The following TAF1B variants were observed in gnomAD, a reference collection of about 807,000 sequenced individuals.
TAF1B encodes the protein TATA box-binding protein-associated factor RNA polymerase I subunit B.
Under a neutral mutation model 83.9 loss-of-function variants are expected in TAF1B, and 61 were observed. The observed-to-expected ratio is 0.73, with a 90% CI of 0.59 to 0.90. The LOEUF is 0.90. TAF1B is among the 40% of genes least tolerant of loss of function. TAF1B has a pLI of 0.00. For missense variants in TAF1B, 625 were observed against 677.0 expected, an observed-to-expected ratio of 0.92 and a Z score of 0.85; for synonymous variants, 221 against 224.6, an observed-to-expected ratio of 0.98 and a Z score of 0.14.
intron 6 of TAF1B, among the ~76,000 whole-genome samples, chr2:9,870,865 G>A (rs1393864179): frequency 6.6e-6 from 1 of 152,136 alleles, no homozygotes; most frequent in Non-Finnish European, 1.5e-5. Flanking sequence ...TCTTGGAGTT[G>A]ATAATTGTTA....
At chr2:9,881,067 C>T (rs1664488240) in intron 7 of TAF1B, among the ~76,000 whole-genome samples, 1 of 152,076 alleles carries the variant, frequency 6.6e-6, no homozygotes, top group Admixed American at 6.6e-5. Context: ...GGCCTGGTGG[C>T]TCACTTCTGT....
chr2:9,919,196 T>G (rs1665793185), intron 13 of TAF1B, 85 bp downstream of exon 13: 1 of 1,182,986 alleles, frequency 8.5e-7, no homozygotes, highest in South Asian at 1.3e-5. Flanking sequence ...GTTGAATGCT[T>G]AAGTTTTTTA....
At chr2:9,927,749 T>G (rs1162899676) in intron 14 of TAF1B, among the ~76,000 whole-genome samples, 1 of 152,236 alleles carries the variant, frequency 6.6e-6, no homozygotes, top group African/African-American at 2.4e-5. Flanking sequence ...TTAAGTTCTT[T>G]GTAGATTCTG....
intron 2 of TAF1B, 124 bp downstream of exon 2, chr2:9,845,442 A>G: frequency 2.9e-6 from 2 of 690,260 alleles, no homozygotes; most frequent in East Asian, 2.9e-5. Context: ...CCAACATTCC[A>G]AGGATGCATG....
chr2:9,865,683 C>G (rs1237533630), intron 5 of TAF1B, among the ~76,000 whole-genome samples: 1 of 152,118 alleles, frequency 6.6e-6, no homozygotes, highest in African/African-American at 2.4e-5. Flanking sequence ...TGACTTCAAA[C>G]TATACTACAA....
intron 11 of TAF1B, 45 bp from the exon 12 acceptor site, chr2:9,913,114 A>G: frequency 6.9e-7 from 1 of 1,450,762 alleles, no homozygotes; most frequent in Non-Finnish European, 9.5e-7. Flanking sequence ...ATATTATTAT[A>G]GTGTGGTTTA....
At chr2:9,843,656 G>A in intron 1 of TAF1B, 97 bp downstream of exon 1, 11 of 1,322,064 alleles carry the variant, frequency 8.3e-6, no homozygotes, top group Non-Finnish European at 1.1e-5. Flanking sequence ...TTGGGGCGGC[G>A]ACGCCACCGG....
At chr2:9,881,901 C>T (rs537371180) in intron 7 of TAF1B, among the ~76,000 whole-genome samples, 9 of 152,258 alleles carry the variant, frequency 5.9e-5, no homozygotes, top group Admixed American at 2.6e-4. Context: ...CAGCAACAAA[C>T]ATCTAACATG....
intron 5 of TAF1B, among the ~76,000 whole-genome samples, chr2:9,859,830 G>A (rs1663693705): frequency 6.6e-6 from 1 of 152,092 alleles, no homozygotes; most frequent in Non-Finnish European, 1.5e-5. Context: ...ACATTTTCCA[G>A]TATCTTTATG....
chr2:9,882,936 T>A, intron 8 of TAF1B, 131 bp downstream of exon 8: 1 of 577,562 alleles, frequency 1.7e-6, no homozygotes, highest in Non-Finnish European at 3.0e-6. Context: ...AGTCATAATT[T>A]AACGAAGAGT....
chr2:9,927,763 A>T (rs1425812695), intron 14 of TAF1B, among the ~76,000 whole-genome samples: 2 of 152,282 alleles, frequency 1.3e-5, no homozygotes, highest in South Asian at 2.1e-4. Flanking sequence ...GATTCTGGAT[A>T]TTAGCCCTTT....
At chr2:9,907,953 C>G (rs1022352150) in intron 9 of TAF1B, among the ~76,000 whole-genome samples, 1 of 148,692 alleles carries the variant, frequency 6.7e-6, no homozygotes, top group African/African-American at 2.5e-5. Context: ...TGCTACCATT[C>G]TCATCATTTC....
Position 9,880,426 on chromosome 2 carries a change from CTTTTTTT to C in TAF1B, c.708-2261_708-2255del, listed in dbSNP as rs6146620. 4.8e-4 allele frequency among the ~76,000 whole-genome samples: 36 copies of C among 75,040 alleles called. No homozygotes were observed. The East Asian group carries it at 7.4e-3, about 15-fold the overall frequency. 49.2% of individuals were successfully genotyped at this position (75,040 alleles called of 152,430 possible). On this transcript the variant is annotated intron_variant, in intron 7 of 14. Transcript: ENST00000263663. ...ATTGTTCAGAACTTTGAGTAAGCAG[CTTTTTTT>C]TTTTTTTTTTTTTTTTTTGGAAAAA...
rs757028439 is a variant in TAF1B at position 9,868,439 on chromosome 2, A to G, written c.553+10A>G. The G allele has an allele frequency of 1.2e-5, 19 of 1,605,638 alleles. No homozygotes were observed. Among genetic ancestry groups the G allele is most frequent in the Non-Finnish European group, 1.4e-5 (17 of 1,175,592 alleles). ...AAAGCATCACAATCAGGTAAAAATG[A>G]GAACCAAACCATTTCGAATTTTAAA... On this transcript the variant is annotated intron_variant, in intron 6 of 14. Transcript: ENST00000263663.
At chr2:9,845,426 G>A (rs1327499231) in intron 2 of TAF1B, 108 bp downstream of exon 2, 15 of 799,428 alleles carry the variant, frequency 1.9e-5, no homozygotes, top group Middle Eastern at 6.5e-4. Context: ...TGTCACTCAT[G>A]CAATGCCAAC....
intron 5 of TAF1B, among the ~76,000 whole-genome samples, chr2:9,866,240 G>GA (rs1027763859): frequency 2.6e-5 from 4 of 151,952 alleles, no homozygotes; most frequent in Admixed American, 6.6e-5. Flanking sequence ...AAATTTACAG[G>GA]AAAAAAACAA....
intron 8 of TAF1B, among the ~76,000 whole-genome samples, chr2:9,888,203 T>C (rs1664738224): frequency 6.6e-6 from 1 of 152,184 alleles, no homozygotes; most frequent in Admixed American, 6.5e-5. Context: ...CCTCAACTAA[T>C]AATATACCAT....
At chr2:9,933,132 C>T (rs959054350) in intron 14 of TAF1B, among the ~76,000 whole-genome samples, 13 of 152,286 alleles carry the variant, frequency 8.5e-5, no homozygotes, top group South Asian at 4.1e-4. Flanking sequence ...GGTGATGCCC[C>T]GCCCTGCTTC....
intron 5 of TAF1B, among the ~76,000 whole-genome samples, chr2:9,861,172 A>G (rs767215041): frequency 4.6e-5 from 7 of 152,246 alleles, no homozygotes; most frequent in African/African-American, 7.2e-5. Flanking sequence ...GGGAACTGCA[A>G]GGGGTCAGGG....
Sources: allele counts gnomAD v4.1 joint callset (sites outside exome capture counted in the v4.1 genomes callset), GRCh38; gene constraint gnomAD v4.1.1; transcripts MANE v1.5; gene names NCBI Gene and HGNC (gene_info 2026-07-23, HGNC 2026-07-21).